The following RIMBP2 variants were observed in gnomAD, a reference collection of about 807,000 sequenced individuals.
RIMBP2 encodes RIMS binding protein 2.
RIMBP2 carries 48 observed loss-of-function variants against 118.6 expected under a neutral mutation model. The ratio of observed to expected loss-of-function variants is 0.40; its 90% CI spans 0.32 to 0.51. The LOEUF is 0.51. RIMBP2 is among the 20% of genes least tolerant of loss of function. The pLI is 0.41. For missense variants in RIMBP2, 1,551 were observed against 1,768.3 expected, an observed-to-expected ratio of 0.88 and a Z score of 2.20; for synonymous variants, 762 against 742.9, an observed-to-expected ratio of 1.03 and a Z score of -0.42.
At chr12:130,580,028 C>CAAAAAAAAAAAAAA (rs55653381) in intron 2 of RIMBP2, among the ~76,000 whole-genome samples, 1 of 116,526 alleles carries the variant, frequency 8.6e-6, no homozygotes, top group Non-Finnish European at 1.7e-5. Flanking sequence ...ACCAAAAATA[C>CAAAAAAAAAAAAAA]AAAAAAAAAA....
At chr12:130,664,393 A>ACACACACACACGCACGCACGCACGCACG (rs1566438809) in intron 1 of RIMBP2, among the ~76,000 whole-genome samples, 1 of 58,420 alleles carries the variant, frequency 1.7e-5, no homozygotes, top group African/African-American at 4.8e-5. Context: ...GCGCATGCAC[A>ACACACACACACGCACGCACGCACGCACG]CACACGCACG....
At chr12:130,678,905 G>A (rs1223855166) in intron 1 of RIMBP2, among the ~76,000 whole-genome samples, 4 of 152,228 alleles carry the variant, frequency 2.6e-5, no homozygotes, top group African/African-American at 9.7e-5. Flanking sequence ...GGGGCTTGGA[G>A]TGGGGATGAG....
intron 1 of RIMBP2, among the ~76,000 whole-genome samples, chr12:130,641,741 C>T (rs1035524893): frequency 6.6e-6 from 1 of 152,162 alleles, no homozygotes; most frequent in African/African-American, 2.4e-5. Context: ...AATGAGTCAG[C>T]CTCAGGGCAC....
chr12:130,609,376 T>A (rs1231374679), intron 2 of RIMBP2, among the ~76,000 whole-genome samples: 1 of 151,934 alleles, frequency 6.6e-6, no homozygotes, highest in African/African-American at 2.4e-5. Context: ...TAAAAAAAAA[T>A]GAAATCCTGA....
chr12:130,696,934 T>C (rs1253749663), intron 1 of RIMBP2, among the ~76,000 whole-genome samples: 1 of 152,080 alleles, frequency 6.6e-6, no homozygotes, highest in African/African-American at 2.4e-5. Context: ...AAGCTACAAA[T>C]CATCTCACGT....
At chr12:130,641,876 G>T (rs549924663) in intron 1 of RIMBP2, among the ~76,000 whole-genome samples, 1 of 152,134 alleles carries the variant, frequency 6.6e-6, no homozygotes, top group South Asian at 2.1e-4. Flanking sequence ...ATGACAGCTC[G>T]CCAGGGCCAT....
At chr12:130,632,672 G>T (rs12819498) in intron 1 of RIMBP2, among the ~76,000 whole-genome samples, 16,370 of 152,126 alleles carry the variant, frequency 0.11, 929 homozygotes, top group East Asian at 0.16. Context: ...TGCTAATGAT[G>T]ATAGGGCATA....
rs535711349 is a variant in RIMBP2, at chr12:130,399,787, A to G, written c.3792T>C (p.Leu1264=). Residue 1264 remains leucine (L), a synonymous_variant, in exon 22 of 23, where the codon CTT becomes CTC. Coordinates refer to ENST00000690449, the MANE Select transcript of RIMBP2 (RefSeq NM_001393629.1). ...YYGELNGQKG[L]VPSNFLEEVP... ...CTTCTTCCAAGAAGTTTGAGGGCAC[A>G]AGGCCTTTCTGCCCATTCAGCTCCC... 1 of 1,614,228 alleles carries G rather than the reference A, an allele frequency of 6.2e-7. No individual in the cohort carries two copies. The highest frequency in any genetic ancestry group is 1.3e-5 in the African/African-American group (1 of 75,072).
intron 4 of RIMBP2, among the ~76,000 whole-genome samples, chr12:130,499,932 A>T (rs2049580358): frequency 6.6e-6 from 1 of 152,204 alleles, no homozygotes; most frequent in African/African-American, 2.4e-5. Context: ...TGTGGGTTCA[A>T]TTAGATTTCT....
intron 1 of RIMBP2, among the ~76,000 whole-genome samples, chr12:130,655,311 A>G (rs565589477): frequency 1.4e-4 from 21 of 152,320 alleles, no homozygotes; most frequent in African/African-American, 3.6e-4. Context: ...CTCGTTATAT[A>G]CCAACTGTCT....
chr12:130,429,555 T>G (rs1487263500), intron 14 of RIMBP2: 1 of 152,172 alleles, frequency 6.6e-6, no homozygotes, highest in Non-Finnish European at 1.5e-5. Flanking sequence ...AGATATTCTG[T>G]TTTTGCTACA....
At chr12:130,678,013 C>T (rs1326062900) in intron 1 of RIMBP2, among the ~76,000 whole-genome samples, 1 of 152,232 alleles carries the variant, frequency 6.6e-6, no homozygotes, top group East Asian at 1.9e-4. Context: ...CACCTTCCTT[C>T]TTTCTCTACC....
intron 4 of RIMBP2, among the ~76,000 whole-genome samples, chr12:130,483,668 C>A (rs973452481): frequency 1.4e-5 from 2 of 145,310 alleles, no homozygotes; most frequent in African/African-American, 5.5e-5. Flanking sequence ...CCAGAGCCCC[C>A]GTCCCCACCT....
rs145622641 is a variant in RIMBP2, at chr12:130,400,445, C to T, written c.3766-632G>A. ...TTTCTACTCATTTACATATCTATGC[C>T]TTGTCTAAAGTCGAGATCCATGAGT... On this transcript the variant is annotated intron_variant, in intron 21 of 22. Transcript: ENST00000690449. Among the ~76,000 whole-genome samples, 549 of 152,282 alleles carry T rather than the reference C, an allele frequency of 3.6e-3. 4 individuals carry two copies. The highest frequency in any genetic ancestry group is 0.013 in the African/African-American group (524 of 41,546).
At chr12:130,439,969 ATG>A (rs1323589392) in intron 11 of RIMBP2, among the ~76,000 whole-genome samples, 1 of 148,618 alleles carries the variant, frequency 6.7e-6, no homozygotes, top group South Asian at 2.2e-4. Flanking sequence ...GTCTGTAGGG[ATG>A]TGTGTGTGTG....
chr12:130,532,658 C>G lies in RIMBP2; in HGVS notation c.-216-14741G>C, dbSNP rs79925597. ...GTACGTCTAATGAGATGCATGTGTT[C>G]AGCCTCTAGGAGGGACGTCTAATGA... On this transcript the variant is annotated intron_variant, in intron 2 of 22. Coordinates refer to ENST00000690449, the MANE Select transcript of RIMBP2 (RefSeq NM_001393629.1). Among the ~76,000 whole-genome samples, 2 of 80,778 alleles carry G rather than the reference C, an allele frequency of 2.5e-5. 1 individual carries two copies. Among genetic ancestry groups the G allele is most frequent in the South Asian group, 1.2e-3 (2 of 1,738 alleles). 53.0% of individuals were successfully genotyped at this position (80,778 alleles called of 152,430 possible). A position where few individuals can be genotyped will look rare whatever the true frequency, so the allele number is the denominator to read the frequency against.
chr12:130,399,620 A>G (rs1387692765), intron 22 of RIMBP2, 59 bp downstream of exon 22: 15 of 1,589,022 alleles, frequency 9.4e-6, no homozygotes, highest in African/African-American at 4.0e-5. Flanking sequence ...CAAAGATTGT[A>G]TTAGACCACA....
At chr12:130,461,421 G>A (rs1487416287) in intron 6 of RIMBP2, among the ~76,000 whole-genome samples, 2 of 152,202 alleles carry the variant, frequency 1.3e-5, no homozygotes, top group African/African-American at 4.8e-5. Context: ...AAAGGGGCCG[G>A]TGCCTCGGCC....
At chr12:130,584,371 CTCACCACCA>C (rs554754898) in intron 2 of RIMBP2, among the ~76,000 whole-genome samples, 11 of 121,536 alleles carry the variant, frequency 9.1e-5, no homozygotes, top group Non-Finnish European at 1.1e-4. Flanking sequence ...TCACCATCAC[CTCACCACCA>C]TCACCACCAT....
Sources: allele counts gnomAD v4.1 joint callset (sites outside exome capture counted in the v4.1 genomes callset), GRCh38; gene constraint gnomAD v4.1.1; transcripts MANE v1.5; gene names NCBI Gene and HGNC (gene_info 2026-07-23, HGNC 2026-07-21).